The following ELF5 variants were observed in gnomAD, a reference collection of about 807,000 sequenced individuals.
ELF5 encodes E74 like ETS transcription factor 5.
ELF5 carries 31 observed loss-of-function variants against 38.2 expected under a neutral mutation model. That is an observed-to-expected ratio of 0.81 (90% CI 0.61 to 1.10). The LOEUF is 1.10. ELF5 is among the 50% of genes least tolerant of loss of function. The pLI is 0.00. For synonymous variants in ELF5, 121 were observed against 112.5 expected (o/e 1.08, Z -0.48); for missense variants, 300 against 306.6 (o/e 0.98, Z 0.16).
intron 2 of ELF5, among the ~76,000 whole-genome samples, chr11:34,504,277 T>A (rs949049977): frequency 6.6e-6 from 1 of 152,258 alleles, no homozygotes; most frequent in Non-Finnish European, 1.5e-5. Flanking sequence ...ACATTTCTCA[T>A]GTCTTTCTGG....
intron 4 of ELF5, among the ~76,000 whole-genome samples, chr11:34,485,613 TC>T (rs1338275966): frequency 1.3e-5 from 2 of 152,194 alleles, no homozygotes; most frequent in African/African-American, 4.8e-5. Context: ...ACAGTACAGA[TC>T]AGCATGAGAG....
chr11:34,499,986 G>A (rs531742190), intron 2 of ELF5, among the ~76,000 whole-genome samples: 22 of 152,336 alleles, frequency 1.4e-4, no homozygotes, highest in African/African-American at 5.1e-4. Context: ...GGTTTGTTGT[G>A]AAGAGGAAAT....
intron 3 of ELF5, chr11:34,491,955 A>C (rs764093059): frequency 6.6e-6 from 1 of 152,230 alleles, no homozygotes; most frequent in Non-Finnish European, 1.5e-5. Context: ...AGATGCCAGC[A>C]CAGGGGCTGC....
intron 1 of ELF5, among the ~76,000 whole-genome samples, chr11:34,512,969 G>A (rs888460430): frequency 2.6e-5 from 4 of 152,094 alleles, no homozygotes; most frequent in Non-Finnish European, 4.4e-5. Context: ...ACTTTCGGGC[G>A]TACAAAAGGC....
intron 2 of ELF5, among the ~76,000 whole-genome samples, chr11:34,497,708 G>A (rs933312458): frequency 9.8e-5 from 15 of 152,296 alleles, no homozygotes; most frequent in African/African-American, 3.6e-4. Context: ...GGTGGGCCTT[G>A]TGTTGCCAGG....
intron 2 of ELF5, among the ~76,000 whole-genome samples, chr11:34,496,600 C>CT (rs1370030226): frequency 1.1e-4 from 16 of 152,338 alleles, no homozygotes; most frequent in African/African-American, 3.8e-4. Context: ...CTCATCCTCA[C>CT]TCCCCCTCGC....
chr11:34,501,113 G>A (rs1224233527), intron 2 of ELF5, among the ~76,000 whole-genome samples: 3 of 152,232 alleles, frequency 2.0e-5, no homozygotes, highest in Non-Finnish European at 4.4e-5. Flanking sequence ...GTAAGTGGCA[G>A]AGCTAGGAGT....
intron 2 of ELF5, among the ~76,000 whole-genome samples, chr11:34,495,895 C>G (rs1449074153): frequency 1.3e-5 from 2 of 152,332 alleles, no homozygotes; most frequent in Admixed American, 1.3e-4. Context: ...TTTAGTAAAC[C>G]TGAGGGGCCT....
At chr11:34,493,340 T>G in intron 3 of ELF5, 139 bp downstream of exon 3, 1 of 797,348 alleles carries the variant, frequency 1.3e-6, no homozygotes, top group Non-Finnish European at 2.1e-6. Flanking sequence ...TAGCTTCCAG[T>G]TATTGAAGGT....
intron 4 of ELF5, among the ~76,000 whole-genome samples, chr11:34,483,314 G>T (rs1856982528): frequency 6.6e-6 from 1 of 151,936 alleles, no homozygotes; most frequent in African/African-American, 2.4e-5. Flanking sequence ...GAATATTCGA[G>T]CATATTCTAT....
At chr11:34,486,417 CCT>C (rs1849998007) in intron 4 of ELF5, among the ~76,000 whole-genome samples, 1 of 152,220 alleles carries the variant, frequency 6.6e-6, no homozygotes, top group Middle Eastern at 3.4e-3. Context: ...TGTCTGGGCA[CCT>C]TCAGTGGGCA....
At chr11:34,501,732 A>C (rs1464510465) in intron 2 of ELF5, among the ~76,000 whole-genome samples, 1 of 152,278 alleles carries the variant, frequency 6.6e-6, no homozygotes, top group East Asian at 1.9e-4. Flanking sequence ...GCAGCCAAGC[A>C]GAAGTCCTGC....
chr11:34,480,773 T>A lies in ELF5; in HGVS notation c.670A>T (p.Arg224Ter). 1 of 1,613,922 alleles carries A rather than the reference T, an allele frequency of 6.2e-7. No individual in the cohort carries two copies. Among genetic ancestry groups the A allele is most frequent in the Non-Finnish European group, 8.5e-7 (1 of 1,179,926 alleles). Residue 224 changes from arginine to a stop codon, truncating the protein, a stop_gained and splice_region_variant, in exon 6 of 7, where the codon AGA (arginine) becomes TGA (stop). Transcript: ENST00000257832. LOFTEE classifies it high-confidence loss of function. Reference sequence around the variant, plus strand: ...TAGTATTTTATGCTATTAACTTACCTCAGGGCTCTGCTCAACTTTTCATAT... The same window carrying A: ...TAGTATTTTATGCTATTAACTTACCACAGGGCTCTGCTCAACTTTTCATAT... ...MTYEKLSRAL[R>*]YYYKTGILER...
intron 3 of ELF5, among the ~76,000 whole-genome samples, chr11:34,491,297 A>C (rs969058380): frequency 6.6e-6 from 1 of 152,188 alleles, no homozygotes; most frequent in Admixed American, 6.5e-5. Context: ...CACAATATAT[A>C]TATCTCCACA....
intron 2 of ELF5, among the ~76,000 whole-genome samples, chr11:34,504,592 C>T (rs745695015): frequency 3.9e-5 from 6 of 152,180 alleles, no homozygotes; most frequent in South Asian, 4.1e-4. Flanking sequence ...TGCCTGCCTC[C>T]GGACACTGAG....
chr11:34,480,324 C>T lies in ELF5; in HGVS notation c.672-10G>A, dbSNP rs1293069593. The T allele has an allele frequency of 6.2e-7, 1 of 1,608,708 alleles. No homozygotes were observed. The highest frequency in any genetic ancestry group is 8.5e-7 in the Non-Finnish European group (1 of 1,175,482). ...TGTTTTATAGTAGTATCTGAAAAAG[C>T]AAGCAGAAGAGAAATTCTGGGAGAG... On this transcript the variant is annotated splice_polypyrimidine_tract_variant and intron_variant, in intron 6 of 6. Coordinates refer to ENST00000257832, the MANE Select transcript of ELF5 (RefSeq NM_001422.4).
intron 1 of ELF5, among the ~76,000 whole-genome samples, chr11:34,509,155 C>T (rs545476901): frequency 6.6e-6 from 1 of 152,206 alleles, no homozygotes; most frequent in Non-Finnish European, 1.5e-5. Flanking sequence ...CATGGCGAAA[C>T]CCCGTCTCCA....
intron 2 of ELF5, among the ~76,000 whole-genome samples, chr11:34,501,695 T>C (rs903878450): frequency 1.3e-5 from 2 of 152,124 alleles, no homozygotes; most frequent in African/African-American, 4.8e-5. Context: ...TTTTGCAATC[T>C]GGACTGTCCA....
At chr11:34,501,569 C>T (rs1018612939) in intron 2 of ELF5, among the ~76,000 whole-genome samples, 1 of 152,122 alleles carries the variant, frequency 6.6e-6, no homozygotes, top group Non-Finnish European at 1.5e-5. Context: ...GAACTACATG[C>T]AGCCTCCCCC....
Sources: gnomAD v4.1 joint callset for allele counts (sites outside exome capture counted in the v4.1 genomes callset) on GRCh38, gnomAD v4.1.1 for gene constraint, MANE v1.5 for transcripts, NCBI Gene and HGNC (gene_info 2026-07-23, HGNC 2026-07-21) for gene names.